The following FAM72C variants were observed in gnomAD, a reference collection of about 807,000 sequenced individuals.
FAM72C encodes the protein protein FAM72C.
Under a neutral mutation model 5.2 loss-of-function variants are expected in FAM72C, and 1 was observed. The observed-to-expected ratio is 0.19, with a 90% CI of 0.07 to 0.91. The LOEUF is 0.91. FAM72C is among the 40% of genes least tolerant of loss of function. The pLI, the probability that FAM72C is intolerant of heterozygous loss-of-function variation, is 0.66. For synonymous variants in FAM72C, 1 was observed against 21.8 expected, an observed-to-expected ratio of 0.05 and a Z score of 2.66; for missense variants, 4 against 66.0, an observed-to-expected ratio of 0.06 and a Z score of 3.25.
chr1:143,961,232 T>TTA (rs1661620525), intron 3 of FAM72C, among the ~76,000 whole-genome samples: 1 of 138,256 alleles, frequency 7.2e-6, no homozygotes, highest in Non-Finnish European at 1.6e-5. Context: ...TTCATTATTA[T>TTA]TATATATATT....
At chr1:143,965,902 A>ATTTT (rs1271464551) in intron 2 of FAM72C, among the ~76,000 whole-genome samples, 2 of 122,674 alleles carry the variant, frequency 1.6e-5, no homozygotes, top group African/African-American at 6.5e-5. Context: ...GTCTTTCACA[A>ATTTT]TTTTTTTTTT....
intron 3 of FAM72C, among the ~76,000 whole-genome samples, chr1:143,959,051 C>T (rs1445925349): frequency 1.5e-5 from 2 of 130,692 alleles, no homozygotes; most frequent in Non-Finnish European, 3.2e-5. Flanking sequence ...TGAAGCAGCT[C>T]AGCACAATTG....
intron 2 of FAM72C, among the ~76,000 whole-genome samples, chr1:143,967,152 G>A (rs1437535671): frequency 6.9e-6 from 1 of 145,538 alleles, no homozygotes; most frequent in African/African-American, 2.5e-5. Flanking sequence ...TGGCTAACAT[G>A]GCGAAATCCC....
At position 143,967,456 on chromosome 1, in the gene FAM72C, C is replaced by T. The variant is rs1389887519; in HGVS notation, c.230+1468G>A. 9.7e-5 allele frequency among the ~76,000 whole-genome samples: 13 copies of T among 133,918 alleles called. 1 individual carries two copies. In the South Asian group the frequency reaches 1.5e-3, roughly 15 times the overall value. The allele number at this position is 133,918 out of a possible 152,430, so 87.9% of individuals were successfully genotyped here. A position where few individuals can be genotyped will look rare whatever the true frequency, so the allele number is the denominator to read the frequency against. ...TCGTGCCACTGCACTCTAGCCTGGG[C>T]GACAGAGCAAAACTCCGTCTTAAAA... On this transcript the variant is annotated intron_variant, in intron 2 of 3. Transcript: ENST00000584486.
rs1404520152 is a variant in FAM72C at position 143,963,746 on chromosome 1, C to A, written c.355+1109G>T. ...TGCAGTCATCAACATCAAGGCAAGA[C>A]CCTCCACCAGCAAAAAGATTATGAC... is the stretch of plus-strand genomic sequence containing the variant. On this transcript the variant is annotated intron_variant, in intron 3 of 3. Transcript: ENST00000584486. Among the ~76,000 whole-genome samples, 10 of 134,530 alleles carry A rather than the reference C, an allele frequency of 7.4e-5. 1 individual carries two copies. Among genetic ancestry groups the A allele is most frequent in the African/African-American group, 2.5e-4 (9 of 36,136 alleles). The allele number at this position is 134,530 out of a possible 152,430, so 88.3% of individuals were successfully genotyped here. A position where few individuals can be genotyped will look rare whatever the true frequency, so the allele number is the denominator to read the frequency against.
At chr1:143,959,896 G>C (rs1457817159) in intron 3 of FAM72C, among the ~76,000 whole-genome samples, 2 of 137,056 alleles carry the variant, frequency 1.5e-5, no homozygotes, top group Non-Finnish European at 3.1e-5. Context: ...AGAATGGCTT[G>C]AGCCTGGGAG....
intron 2 of FAM72C, among the ~76,000 whole-genome samples, chr1:143,967,131 T>C (rs1661795132): frequency 4.9e-5 from 7 of 143,808 alleles, no homozygotes; most frequent in Middle Eastern, 3.8e-3. Context: ...GTCAGGAGTT[T>C]GAGACCAGCC....
upstream of FAM72C, among the ~76,000 whole-genome samples, chr1:143,972,901 A>AATCCCTCAGACCGCCCCTC (rs1331313309): frequency 2.2e-4 from 25 of 113,884 alleles, no homozygotes; most frequent in Admixed American, 5.4e-4. Context: ...TGCCGCCCGG[A>AATCCCTCAGACCGCCCCTC]ATCCCTCAGA....
At chr1:143,967,066 G>A (rs1661793781) in intron 2 of FAM72C, among the ~76,000 whole-genome samples, 1 of 143,534 alleles carries the variant, frequency 7.0e-6, no homozygotes, top group East Asian at 2.1e-4. Context: ...CAGGTGCGGT[G>A]GCTCACACCT....
rs1661453863 is a variant in FAM72C at position 143,955,640 on chromosome 1, C to T, written c.*747G>A. The T allele has an allele frequency of 7.2e-6, 1 of 139,724 alleles. No homozygotes were observed. Among genetic ancestry groups the T allele is most frequent in the Non-Finnish European group, 1.5e-5 (1 of 64,682 alleles). 8.7% of individuals were successfully genotyped at this position (139,724 alleles called of 1,614,324 possible). A position where few individuals can be genotyped will look rare whatever the true frequency, so the allele number is the denominator to read the frequency against. On this transcript the variant is annotated 3_prime_UTR_variant, in exon 4 of 4. Coordinates refer to ENST00000584486, the MANE Select transcript of FAM72C (RefSeq NM_001287385.2). ...TTTTTTTTCTATTTAAGATTTAGGACAGACTACTCGTCTAAAATTCACTAT... is the reference window on the plus strand; with the variant it reads ...TTTTTTTTCTATTTAAGATTTAGGATAGACTACTCGTCTAAAATTCACTAT...
rs1295141847 is a variant in FAM72C, at chr1:143,967,191, G to A, written c.230+1733C>T. Among the ~76,000 whole-genome samples the A allele has an allele frequency of 5.5e-4, 80 of 145,004 alleles. 10 individuals are homozygous for A. The highest frequency in any genetic ancestry group is 1.9e-3 in the African/African-American group (75 of 39,230). On this transcript the variant is annotated intron_variant, in intron 2 of 3. Coordinates refer to ENST00000584486, the MANE Select transcript of FAM72C (RefSeq NM_001287385.2). ...TCTACTAAAAATACAAAAATTAGCCGGGTGGGCTGGGTGCGGTGGCTCACG... is the reference window on the plus strand; with the variant it reads ...TCTACTAAAAATACAAAAATTAGCCAGGTGGGCTGGGTGCGGTGGCTCACG...
At position 143,955,341 on chromosome 1, in the gene FAM72C, A is replaced by T. The variant is rs1459973450; in HGVS notation, c.*1046T>A. The T allele has an allele frequency of 7.0e-6, 1 of 143,094 alleles. No homozygotes were observed. Among genetic ancestry groups the T allele is most frequent in the Non-Finnish European group, 1.5e-5 (1 of 65,346 alleles). The allele number at this position is 143,094 out of a possible 1,614,324, so 8.9% of individuals were successfully genotyped here. A position where few individuals can be genotyped will look rare whatever the true frequency, so the allele number is the denominator to read the frequency against. Reference sequence around the variant, plus strand: ...TTTTTACATACAATATGTGGGCATAACAAAAAATTAAAGGAAGAATGGTCA... The same window carrying T: ...TTTTTACATACAATATGTGGGCATATCAAAAAATTAAAGGAAGAATGGTCA... On this transcript the variant is annotated 3_prime_UTR_variant, in exon 4 of 4. Coordinates refer to ENST00000584486, the MANE Select transcript of FAM72C (RefSeq NM_001287385.2).
In FAM72C at chr1:143,966,680, TG is replaced by T. The variant is rs1392438325; in HGVS notation, c.231-1702del. ...TGTTGAAATAATATTTTGGATACATTGGGTTAGACAAAATATATGATTAAAA... is the reference window on the plus strand; with the variant it reads ...TGTTGAAATAATATTTTGGATACATTGGTTAGACAAAATATATGATTAAAA... On this transcript the variant is annotated intron_variant, in intron 2 of 3. Coordinates refer to ENST00000584486, the MANE Select transcript of FAM72C (RefSeq NM_001287385.2). Among the ~76,000 whole-genome samples, 81 of 140,552 alleles carry T rather than the reference TG, an allele frequency of 5.8e-4. 1 individual carries two copies. Among genetic ancestry groups the T allele is most frequent in the African/African-American group, 2.1e-3 (80 of 37,874 alleles). The allele number at this position is 140,552 out of a possible 152,430, so 92.2% of individuals were successfully genotyped here.
chr1:143,965,724 G>C (rs1220950617), intron 2 of FAM72C, among the ~76,000 whole-genome samples: 3 of 74,566 alleles, frequency 4.0e-5, no homozygotes, highest in Non-Finnish European at 5.6e-5. Flanking sequence ...CAGATGGAGA[G>C]GTAGGAAGAC....
At chr1:143,967,100 G>A (rs1208957924) in intron 2 of FAM72C, among the ~76,000 whole-genome samples, 3 of 144,492 alleles carry the variant, frequency 2.1e-5, no homozygotes, top group African/African-American at 5.1e-5. Context: ...TTGGGAGGCC[G>A]AGGCAGGTGG....
chr1:143,965,016 A>G (rs1553518154), intron 2 of FAM72C, 37 bp from the exon 3 acceptor site: 1 of 1,505,712 alleles, frequency 6.6e-7, no homozygotes, highest in Admixed American at 2.0e-5. Context: ...ATACCATGTA[A>G]TAACTAGCCA....
At chr1:143,967,297 G>A (rs1184958353) in intron 2 of FAM72C, among the ~76,000 whole-genome samples, 2 of 145,320 alleles carry the variant, frequency 1.4e-5, no homozygotes, top group Non-Finnish European at 3.0e-5. Flanking sequence ...GGCCAACATG[G>A]TGAAACCCTG....
At chr1:143,960,922 C>T (rs1406461423) in intron 3 of FAM72C, among the ~76,000 whole-genome samples, 2 of 133,076 alleles carry the variant, frequency 1.5e-5, no homozygotes, top group Admixed American at 1.5e-4. Context: ...CAACCTCCAC[C>T]TCCTAGGTTC....
At chr1:143,959,968 C>T (rs1369493429) in intron 3 of FAM72C, among the ~76,000 whole-genome samples, 1 of 139,196 alleles carries the variant, frequency 7.2e-6, no homozygotes, top group Non-Finnish European at 1.6e-5. Context: ...CAGAGCAAGA[C>T]CCTGTCTCCA....
Sources: gnomAD v4.1 joint callset for allele counts (sites outside exome capture counted in the v4.1 genomes callset) on GRCh38, gnomAD v4.1.1 for gene constraint, MANE v1.5 for transcripts, NCBI Gene and HGNC (gene_info 2026-07-23, HGNC 2026-07-21) for gene names.